The following SPOCK1 variants were observed in gnomAD, a reference collection of about 807,000 sequenced individuals.
SPOCK1 encodes SPARC (osteonectin), cwcv and kazal like domains proteoglycan 1.
SPOCK1 carries 23 observed loss-of-function variants against 55.3 expected under a neutral mutation model. That is an observed-to-expected ratio of 0.42 (90% CI 0.30 to 0.59). The LOEUF is 0.59. Ranked by LOEUF, SPOCK1 falls within the 20% of genes least tolerant of loss-of-function variation. The pLI is 0.22. For synonymous variants in SPOCK1, 226 were observed against 221.0 expected (o/e 1.02, Z -0.20); for missense variants, 499 against 552.5 (o/e 0.90, Z 0.97).
chr5:137,426,766 C>T (rs1177744901), intron 2 of SPOCK1, among the ~76,000 whole-genome samples: 2 of 152,176 alleles, frequency 1.3e-5, no homozygotes, highest in African/African-American at 4.8e-5. Flanking sequence ...CAAGAGTTCA[C>T]AAGGAATCCT....
chr5:137,186,289 C>G (rs1755068457), intron 3 of SPOCK1, among the ~76,000 whole-genome samples: 1 of 152,196 alleles, frequency 6.6e-6, no homozygotes, highest in African/African-American at 2.4e-5. Flanking sequence ...CAGAGATATG[C>G]TAAGTTGAGC....
At chr5:136,991,726 TGTG>T (rs1177706128) in intron 7 of SPOCK1, among the ~76,000 whole-genome samples, 1 of 152,168 alleles carries the variant, frequency 6.6e-6, no homozygotes, top group Non-Finnish European at 1.5e-5. Flanking sequence ...TTGGCCACAG[TGTG>T]GAGAAGCCTA....
intron 2 of SPOCK1, among the ~76,000 whole-genome samples, chr5:137,316,527 T>C (rs755941601): frequency 2.0e-5 from 3 of 152,168 alleles, no homozygotes; most frequent in Non-Finnish European, 4.4e-5. Context: ...AACCTGCCAG[T>C]TGAATCCCCT....
chr5:137,002,601 T>A (rs1387337181), intron 6 of SPOCK1, among the ~76,000 whole-genome samples: 2 of 152,224 alleles, frequency 1.3e-5, no homozygotes, highest in Non-Finnish European at 2.9e-5. Flanking sequence ...TGAAATCGAT[T>A]AGCAGCATCA....
intron 2 of SPOCK1, among the ~76,000 whole-genome samples, chr5:137,445,796 G>T (rs531394047): frequency 6.6e-6 from 1 of 152,050 alleles, no homozygotes; most frequent in African/African-American, 2.4e-5. Context: ...ATTTATAAAC[G>T]GTATAGCCAC....
chr5:137,303,818 C>T (rs544301312), intron 2 of SPOCK1, among the ~76,000 whole-genome samples: 213 of 152,328 alleles, frequency 1.4e-3, no homozygotes, highest in East Asian at 2.1e-3. Flanking sequence ...AGGCGTGTGA[C>T]GCCTGGGACC....
At chr5:137,426,811 C>T (rs767926106) in intron 2 of SPOCK1, among the ~76,000 whole-genome samples, 7 of 152,266 alleles carry the variant, frequency 4.6e-5, no homozygotes, top group South Asian at 2.1e-4. Flanking sequence ...CAGTCCTACC[C>T]GCACAACACC....
At chr5:137,073,896 T>C (rs2189599) in intron 5 of SPOCK1, among the ~76,000 whole-genome samples, 112,070 of 152,086 alleles carry the variant, frequency 0.74, 42,527 homozygotes, top group Non-Finnish European at 0.83. Context: ...AAATGCACAC[T>C]TTCAATAAAA....
At chr5:137,486,555 T>C (rs1186997323) in intron 2 of SPOCK1, among the ~76,000 whole-genome samples, 1 of 152,232 alleles carries the variant, frequency 6.6e-6, no homozygotes, top group Non-Finnish European at 1.5e-5. Flanking sequence ...GCCTGGTACA[T>C]GGTAGCCTGG....
intron 2 of SPOCK1, among the ~76,000 whole-genome samples, chr5:137,445,733 A>C (rs1221081169): frequency 6.6e-6 from 1 of 152,218 alleles, no homozygotes; most frequent in African/African-American, 2.4e-5. Flanking sequence ...AGAAGCACTT[A>C]TCTGGGGTAA....
chr5:137,208,506 C>T (rs1056659188), intron 3 of SPOCK1, among the ~76,000 whole-genome samples: 6 of 152,176 alleles, frequency 3.9e-5, no homozygotes, highest in African/African-American at 1.2e-4. Flanking sequence ...TACATATACA[C>T]CATGAAATAC....
rs890048308 is a variant in SPOCK1, at chr5:137,064,280, C to T, written c.589+3435G>A. Among the ~76,000 whole-genome samples the T allele has an allele frequency of 2.0e-5, 3 of 152,122 alleles. No homozygotes were observed. The East Asian group carries it at 5.8e-4, about 29-fold the overall frequency. ...ACAGCCCTGCATTAACAGAATTGAC[C>T]TGGGAGTGACTTTATGTTTCACCTC... On this transcript the variant is annotated intron_variant, in intron 6 of 10. Transcript: ENST00000394945.
At chr5:137,207,775 G>A (rs1490985976) in intron 3 of SPOCK1, among the ~76,000 whole-genome samples, 5 of 152,146 alleles carry the variant, frequency 3.3e-5, no homozygotes, top group African/African-American at 1.2e-4. Flanking sequence ...TCTCAGCCCC[G>A]AGCCTGCTCT....
intron 4 of SPOCK1, among the ~76,000 whole-genome samples, chr5:137,137,751 C>G (rs1026440103): frequency 6.6e-6 from 1 of 152,198 alleles, no homozygotes; most frequent in Non-Finnish European, 1.5e-5. Flanking sequence ...AAACTGCAGA[C>G]GCAGGTGCAA....
Position 137,176,875 on chromosome 5 carries a change from G to A in SPOCK1, c.233-36181C>T, listed in dbSNP as rs144380573. ...CTCTTCTTATAATATTCTCCTAATTGGCATTTGTGGTGGTGGAGGTCTGGT... is the reference window on the plus strand; with the variant it reads ...CTCTTCTTATAATATTCTCCTAATTAGCATTTGTGGTGGTGGAGGTCTGGT... On this transcript the variant is annotated intron_variant, in intron 3 of 10. Coordinates refer to ENST00000394945, the MANE Select transcript of SPOCK1 (RefSeq NM_004598.4). Among the ~76,000 whole-genome samples the A allele has an allele frequency of 1.2e-4, 18 of 152,258 alleles. No homozygotes were observed. In the East Asian group the frequency reaches 3.5e-3, roughly 29 times the overall value.
At chr5:137,210,811 A>T (rs892049980) in intron 3 of SPOCK1, among the ~76,000 whole-genome samples, 1 of 152,244 alleles carries the variant, frequency 6.6e-6, no homozygotes, top group Non-Finnish European at 1.5e-5. Flanking sequence ...GTCCGGCTTT[A>T]TGCCAGTTAG....
In SPOCK1 at chr5:137,326,378, C is replaced by T. The variant is rs376513467; in HGVS notation, c.187-59323G>A. On this transcript the variant is annotated intron_variant, in intron 2 of 10. Transcript: ENST00000394945. ...CAGAATTGACCTCAGGTGAGCCTAC[C>T]TTCAGAACCTGAGCTCTTTCTATTC... is the stretch of plus-strand genomic sequence containing the variant. Among the ~76,000 whole-genome samples the T allele has an allele frequency of 5.9e-5, 9 of 152,286 alleles. No homozygotes were observed. In the East Asian group the frequency reaches 1.5e-3, roughly 26 times the overall value.
At chr5:137,275,878 G>A (rs994213867) in intron 2 of SPOCK1, among the ~76,000 whole-genome samples, 1 of 152,148 alleles carries the variant, frequency 6.6e-6, no homozygotes, top group Non-Finnish European at 1.5e-5. Flanking sequence ...TTGCACTCCT[G>A]GGTCTCTTTC....
chr5:137,460,796 T>C (rs4264937), intron 2 of SPOCK1, among the ~76,000 whole-genome samples: 151,772 of 152,308 alleles, frequency 1, 75,620 homozygotes, highest in Middle Eastern at 1. Context: ...CCATTGAATG[T>C]ACTCCACACA....
Sources: gnomAD v4.1 joint callset for allele counts (sites outside exome capture counted in the v4.1 genomes callset) on GRCh38, gnomAD v4.1.1 for gene constraint, MANE v1.5 for transcripts, NCBI Gene and HGNC (gene_info 2026-07-23, HGNC 2026-07-21) for gene names.